Variants in ADAMTS3 observed in about 807,000 individuals in gnomAD.
ADAMTS3 encodes ADAM metallopeptidase with thrombospondin type 1 motif 3.
In ADAMTS3, 73 loss-of-function variants were observed where a neutral mutation model predicts 129.0. That is an observed-to-expected ratio of 0.57 (90% CI 0.47 to 0.69). The LOEUF (loss-of-function observed/expected upper bound fraction) is 0.69. Among genes scored for constraint, ADAMTS3 ranks in the 30% least tolerant of loss-of-function variants. ADAMTS3 has a pLI of 0.00. For missense variants in ADAMTS3, 1,457 were observed against 1,514.5 expected, an observed-to-expected ratio of 0.96 and a Z score of 0.63; for synonymous variants, 477 against 510.8, an observed-to-expected ratio of 0.93 and a Z score of 0.89.
In ADAMTS3 at chr4:72,312,402, C is replaced by G. The variant is rs1217268236; in HGVS notation, c.1810G>C (p.Glu604Gln). 2 of 1,613,700 alleles carry G rather than the reference C, an allele frequency of 1.2e-6. No individual in the cohort carries two copies. The highest frequency in any genetic ancestry group is 1.7e-6 in the Non-Finnish European group (2 of 1,179,778). ...AAGTCCTCAAAGTGTTTTTGGCATT[C>G]TTCTGTGTTACAAAGCTGGTACTCA... ...NFEYQLCNTE[E>Q]CQKHFEDFRA... The change falls in exon 13 of 22, where the codon GAA becomes CAA. Residue 604 changes from glutamate (E) to glutamine (Q), a missense_variant. Physicochemically the swap from Glu to Gln is conservative, Grantham distance 29 (BLOSUM62 2). Coordinates refer to ENST00000286657, the MANE Select transcript of ADAMTS3 (RefSeq NM_014243.3).
At chr4:72,402,751 C>T (rs1471183213) in intron 4 of ADAMTS3, among the ~76,000 whole-genome samples, 1 of 152,092 alleles carries the variant, frequency 6.6e-6, no homozygotes, top group African/African-American at 2.4e-5. Context: ...TCTGTTTTTA[C>T]AGAATATCCT....
intron 4 of ADAMTS3, among the ~76,000 whole-genome samples, chr4:72,409,502 G>A (rs1175243678): frequency 6.6e-6 from 1 of 152,028 alleles, no homozygotes; most frequent in Non-Finnish European, 1.5e-5. Context: ...GAACTAAATA[G>A]TAATCCTGAG....
intron 2 of ADAMTS3, among the ~76,000 whole-genome samples, chr4:72,550,618 G>A (rs1301347874): frequency 6.6e-6 from 1 of 152,138 alleles, no homozygotes; most frequent in Non-Finnish European, 1.5e-5. Context: ...GACAGACAGT[G>A]CAGTCCCTGC....
chr4:72,465,591 C>T (rs1351243150), intron 3 of ADAMTS3, among the ~76,000 whole-genome samples: 1 of 151,928 alleles, frequency 6.6e-6, no homozygotes, highest in Non-Finnish European at 1.5e-5. Context: ...CACTGGGGAT[C>T]CAGGATTGAA....
Position 72,444,620 on chromosome 4 carries a change from G to T in ADAMTS3, c.505-29649C>A, listed in dbSNP as rs1718204518. 2.0e-5 allele frequency among the ~76,000 whole-genome samples: 3 copies of T among 151,726 alleles called. 1 individual carries two copies. Among genetic ancestry groups the T allele is most frequent in the Admixed American group, 2.0e-4 (3 of 15,204 alleles). ...CACATTTTAGGCAATTAAGTGGTCA[G>T]TAAACAAAGTCTTACACATAGAAAT... On this transcript the variant is annotated intron_variant, in intron 3 of 21. Transcript: ENST00000286657.
intron 3 of ADAMTS3, among the ~76,000 whole-genome samples, chr4:72,420,683 C>G (rs1722421682): frequency 6.6e-6 from 1 of 152,246 alleles, no homozygotes; most frequent in African/African-American, 2.4e-5. Context: ...AAAGCAATAC[C>G]TGGCATAAAC....
intron 3 of ADAMTS3, among the ~76,000 whole-genome samples, chr4:72,479,285 T>A (rs1238591663): frequency 6.6e-6 from 1 of 152,178 alleles, no homozygotes; most frequent in East Asian, 1.9e-4. Context: ...ACTACCTGAC[T>A]TCAAACTATA....
chr4:72,385,863 GA>G (rs1225963818), intron 4 of ADAMTS3, among the ~76,000 whole-genome samples: 3 of 152,142 alleles, frequency 2.0e-5, no homozygotes, highest in Admixed American at 6.5e-5. Context: ...AAAAGTTGGG[GA>G]AAAAATTAAT....
chr4:72,483,093 G>A (rs1038628242), intron 3 of ADAMTS3, among the ~76,000 whole-genome samples: 8 of 151,958 alleles, frequency 5.3e-5, no homozygotes, highest in African/African-American at 1.7e-4. Flanking sequence ...TTAGGATTAA[G>A]ACAGAGATTT....
At chr4:72,519,371 C>G (rs1325874032) in intron 3 of ADAMTS3, among the ~76,000 whole-genome samples, 2 of 152,108 alleles carry the variant, frequency 1.3e-5, no homozygotes, top group East Asian at 1.9e-4. Context: ...TTTCCTGAAT[C>G]TGAATGTTGG....
chr4:72,481,550 A>C (rs1719436610), intron 3 of ADAMTS3, among the ~76,000 whole-genome samples: 1 of 152,164 alleles, frequency 6.6e-6, no homozygotes, highest in African/African-American at 2.4e-5. Context: ...ATCAAATCAA[A>C]ATTGACCACA....
At chr4:72,371,145 G>T (rs1720995067) in intron 4 of ADAMTS3, among the ~76,000 whole-genome samples, 1 of 151,950 alleles carries the variant, frequency 6.6e-6, no homozygotes, top group Non-Finnish European at 1.5e-5. Context: ...ACTGCCACAA[G>T]GAACCAACTC....
At chr4:72,319,750 A>G (rs764092686) in intron 8 of ADAMTS3, 108 bp downstream of exon 8, 7 of 969,876 alleles carry the variant, frequency 7.2e-6, no homozygotes, top group Non-Finnish European at 1.1e-5. Context: ...TTGGCAAAAG[A>G]CAAGAATTGT....
intron 17 of ADAMTS3, among the ~76,000 whole-genome samples, chr4:72,301,098 G>A (rs1718938853): frequency 6.6e-6 from 1 of 152,096 alleles, no homozygotes; most frequent in Admixed American, 6.6e-5. Flanking sequence ...ACATCCATAT[G>A]CAAAAATAAG....
intron 1 of ADAMTS3, among the ~76,000 whole-genome samples, chr4:72,568,259 G>T (rs558698226): frequency 2.9e-4 from 44 of 152,242 alleles, no homozygotes; most frequent in African/African-American, 1.1e-3. Context: ...GAGTCAGTTC[G>T]GAGGAGAGAA....
chr4:72,292,032 G>A (rs1038602439), intron 19 of ADAMTS3, among the ~76,000 whole-genome samples: 1 of 152,196 alleles, frequency 6.6e-6, no homozygotes, highest in Non-Finnish European at 1.5e-5. Context: ...ATTCAGGCAT[G>A]AAGGCAGTTT....
In ADAMTS3 at chr4:72,336,542, G is replaced by C. The variant is rs113649028; in HGVS notation, c.861+2952C>G. On this transcript the variant is annotated intron_variant, in intron 5 of 21. Coordinates refer to ENST00000286657, the MANE Select transcript of ADAMTS3 (RefSeq NM_014243.3). ...AAAAGGAAAGAGCCTGCTCAGGTCA[G>C]TATTTTGGGTCTAACAGGCTACAAC... 7.9e-5 allele frequency among the ~76,000 whole-genome samples: 12 copies of C among 152,256 alleles called. 1 individual carries two copies. Among genetic ancestry groups the C allele is most frequent in the African/African-American group, 2.9e-4 (12 of 41,546 alleles).
intron 3 of ADAMTS3, among the ~76,000 whole-genome samples, chr4:72,449,011 C>T (rs1371883339): frequency 6.6e-6 from 1 of 151,542 alleles, no homozygotes; most frequent in East Asian, 2.0e-4. Context: ...CAATATCTAC[C>T]TTTGTCTCAC....
intron 3 of ADAMTS3, among the ~76,000 whole-genome samples, chr4:72,468,766 A>T (rs1718987648): frequency 6.6e-6 from 1 of 151,968 alleles, no homozygotes; most frequent in Non-Finnish European, 1.5e-5. Flanking sequence ...AAAAAACGAG[A>T]AGAAAACTTA....
Sources: gnomAD v4.1 joint callset for allele counts (sites outside exome capture counted in the v4.1 genomes callset) on GRCh38, gnomAD v4.1.1 for gene constraint, MANE v1.5 for transcripts, NCBI Gene and HGNC (gene_info 2026-07-23, HGNC 2026-07-21) for gene names.